IL1R2: variants seen among roughly 807,000 people sequenced by gnomAD.
IL1R2 encodes interleukin 1 receptor type 2, also known as interleukin-1 receptor type 2.
Under a neutral mutation model 39.5 loss-of-function variants are expected in IL1R2, and 46 were observed. That is an observed-to-expected ratio of 1.16 (90% CI 0.92 to 1.49). The LOEUF is 1.49. IL1R2 is among the 40% of genes most tolerant of loss of function. The pLI is 0.00. For synonymous variants in IL1R2, 207 were observed against 189.6 expected (o/e 1.09, Z -0.75); for missense variants, 537 against 502.0 (o/e 1.07, Z -0.67).
chr2:102,020,700 G>A (rs1056436371), intron 5 of IL1R2, among the ~76,000 whole-genome samples: 3 of 152,204 alleles, frequency 2.0e-5, no homozygotes, highest in Non-Finnish European at 4.4e-5. Context: ...GTTCATATCA[G>A]CTCCTTGCTT....
At chr2:102,024,155 C>A (rs907039858) in intron 6 of IL1R2, among the ~76,000 whole-genome samples, 12 of 152,108 alleles carry the variant, frequency 7.9e-5, no homozygotes, top group Admixed American at 1.3e-4. Context: ...ACATTAGAGC[C>A]AAGACCAGCC....
At chr2:102,004,006 T>C (rs1321955528) in intron 1 of IL1R2, among the ~76,000 whole-genome samples, 2 of 138,686 alleles carry the variant, frequency 1.4e-5, no homozygotes, top group Non-Finnish European at 3.0e-5. Flanking sequence ...TCTATGTCTA[T>C]GTCTATGTCT....
At position 102,028,321 on chromosome 2, in the gene IL1R2, A is replaced by G; in HGVS notation, c.1126A>G (p.Arg376Gly). 1 of 1,611,858 alleles carries G rather than the reference A, an allele frequency of 6.2e-7. No individual in the cohort carries two copies. Among genetic ancestry groups the G allele is most frequent in the East Asian group, 2.2e-5 (1 of 44,860 alleles). Residue 376 changes from arginine to glycine, a missense_variant, in exon 9 of 9, where the codon AGA becomes GGA. By Grantham distance (125) the Arg-to-Gly change is moderately radical (BLOSUM62 -2). Transcript: ENST00000332549. Reference sequence around the variant, plus strand: ...ATGGATGCACAGACGGTGCAAACACAGAACTGGAAAAGCAGATGGTCTGAC... The same window carrying G: ...ATGGATGCACAGACGGTGCAAACACGGAACTGGAAAAGCAGATGGTCTGAC... The part of the protein sequence containing the change: ...GIWMHRRCKH[R>G]TGKADGLTVL...
At chr2:101,995,239 A>G (rs979370971) in intron 1 of IL1R2, among the ~76,000 whole-genome samples, 7 of 152,236 alleles carry the variant, frequency 4.6e-5, no homozygotes, top group African/African-American at 1.7e-4. Flanking sequence ...TGAGCTGTTT[A>G]AAAGAGGATC....
chr2:102,010,580 A>G (rs1676567389), intron 3 of IL1R2, among the ~76,000 whole-genome samples: 1 of 151,814 alleles, frequency 6.6e-6, no homozygotes, highest in East Asian at 1.9e-4. Flanking sequence ...TGTCTAAAAA[A>G]AAAAAAAAAA....
chr2:102,028,431 C>A lies in IL1R2; in HGVS notation c.*39C>A, dbSNP rs141252384. 12 of 1,503,520 alleles carry A rather than the reference C, an allele frequency of 8.0e-6. No homozygotes were observed. Among genetic ancestry groups the A allele is most frequent in the Middle Eastern group, 1.8e-4 (1 of 5,714 alleles). 93.1% of individuals were successfully genotyped at this position (1,503,520 alleles called of 1,614,324 possible). Reference sequence around the variant, plus strand: ...AAATAATTCAAACACAAACTCCGTACGTCTTCTCTTATGGAAGTGGCTGTG... The same window carrying A: ...AAATAATTCAAACACAAACTCCGTAAGTCTTCTCTTATGGAAGTGGCTGTG... On this transcript the variant is annotated 3_prime_UTR_variant, in exon 9 of 9. Coordinates refer to ENST00000332549, the MANE Select transcript of IL1R2 (RefSeq NM_004633.4).
chr2:102,019,866 A>G (rs1677254956), intron 5 of IL1R2, 54 bp downstream of exon 5: 2 of 1,479,758 alleles, frequency 1.4e-6, no homozygotes, highest in Non-Finnish European at 1.9e-6. Context: ...ACAAGCATGC[A>G]GAGAACAAAT....
chr2:102,027,747 C>T (rs1435624893), intron 8 of IL1R2, among the ~76,000 whole-genome samples: 1 of 152,180 alleles, frequency 6.6e-6, no homozygotes, highest in Admixed American at 6.5e-5. Context: ...CACAGAGACG[C>T]CAAGGAGCAG....
chr2:102,021,305 C>CTTTTTTTTTTTTTTTTTT (rs546019141), intron 5 of IL1R2, among the ~76,000 whole-genome samples: 7 of 122,838 alleles, frequency 5.7e-5, no homozygotes, highest in Non-Finnish European at 8.5e-5. Context: ...CTTTTCTTTT[C>CTTTTTTTTTTTTTTTTTT]TTTTTTTTTT....
intron 3 of IL1R2, among the ~76,000 whole-genome samples, chr2:102,014,770 G>T (rs1035477612): frequency 6.6e-6 from 1 of 151,770 alleles, no homozygotes; most frequent in Non-Finnish European, 1.5e-5. Context: ...TAGGTAGCCA[G>T]AAATTTAGCT....
intron 1 of IL1R2, among the ~76,000 whole-genome samples, chr2:101,997,164 A>G (rs1250921670): frequency 1.3e-5 from 2 of 152,088 alleles, no homozygotes; most frequent in African/African-American, 4.8e-5. Flanking sequence ...CCTGGTCATG[A>G]GGTGTCCTGT....
At position 102,009,554 on chromosome 2, in the gene IL1R2, T is replaced by C; in HGVS notation, c.68-8T>C. The C allele has an allele frequency of 6.2e-7, 1 of 1,613,058 alleles. No homozygotes were observed. The highest frequency in any genetic ancestry group is 8.5e-7 in the Non-Finnish European group (1 of 1,179,390). ...CCAAAGCCTGACCATGGGCTCTCTG[T>C]CCTTCAGGGGCTGCCAGAAGCTGCC... On this transcript the variant is annotated splice_polypyrimidine_tract_variant and splice_region_variant and intron_variant, in intron 2 of 8. Transcript: ENST00000332549.
rs990034677 is a variant in IL1R2 at position 102,019,712 on chromosome 2, T to C, written c.588T>C (p.Asp196=). The change falls in exon 5 of 9, where the codon GAT becomes GAC. Residue 196 remains aspartate, a synonymous_variant. Coordinates refer to ENST00000332549, the MANE Select transcript of IL1R2 (RefSeq NM_004633.4). The stretch of plus-strand genomic sequence containing the variant: ...GGACCACTCACTTACTCGTACACGA[T>C]GTGGCCCTGGAAGATGCTGGCTATT... ...VRGTTHLLVH[D]VALEDAGYYR... is the part of the protein sequence containing the mutation. The C allele has an allele frequency of 1.2e-5, 19 of 1,613,874 alleles. No homozygotes were observed. Among genetic ancestry groups the C allele is most frequent in the South Asian group, 2.2e-5 (2 of 91,074 alleles).
chr2:102,020,059 C>T (rs188413933), intron 5 of IL1R2, among the ~76,000 whole-genome samples: 2 of 152,300 alleles, frequency 1.3e-5, no homozygotes, highest in East Asian at 3.9e-4. Context: ...AAGATGAAGG[C>T]TAAAACACAC....
At chr2:102,019,872 C>A (rs1006748241) in intron 5 of IL1R2, 60 bp downstream of exon 5, 11 of 1,416,034 alleles carry the variant, frequency 7.8e-6, no homozygotes, top group Non-Finnish European at 1.1e-5. Flanking sequence ...ATGCAGAGAA[C>A]AAATGACGGT....
chr2:102,009,702 C>A lies in IL1R2; in HGVS notation c.208C>A (p.His70Asn). 1 of 1,614,200 alleles carries A rather than the reference C, an allele frequency of 6.2e-7. No homozygotes were observed. The highest frequency in any genetic ancestry group is 8.5e-7 in the Non-Finnish European group (1 of 1,180,034). The change falls in exon 3 of 9, where the codon CAT (histidine) becomes AAT (asparagine). Residue 70 changes from histidine to asparagine, a missense_variant. His to Asn is a moderately conservative substitution (Grantham distance 68). Transcript: ENST00000332549. ...SVSPRINLTW[H>N]KNDSARTVPG... Reference sequence around the variant, plus strand: ...CAGCCCCCGCATCAACCTGACATGGCATAAAAATGACTCTGCTAGGACGGT... The same window carrying A: ...CAGCCCCCGCATCAACCTGACATGGAATAAAAATGACTCTGCTAGGACGGT...
intron 1 of IL1R2, among the ~76,000 whole-genome samples, chr2:101,999,692 T>G (rs2310170): frequency 0.44 from 66,747 of 152,036 alleles, 14,794 homozygotes; most frequent in East Asian, 0.47. Flanking sequence ...TGACTATGTG[T>G]TTGCCTAAGA....
At position 102,002,287 on chromosome 2, in the gene IL1R2, T is replaced by C. The variant is rs549025985; in HGVS notation, c.-61-6228T>C. Among the ~76,000 whole-genome samples the C allele has an allele frequency of 5.3e-5, 8 of 151,276 alleles. No individual in the cohort carries two copies. The South Asian group carries it at 1.7e-3, about 32-fold the overall frequency. On this transcript the variant is annotated intron_variant, in intron 1 of 8. Coordinates refer to ENST00000332549, the MANE Select transcript of IL1R2 (RefSeq NM_004633.4). Reference sequence around the variant, plus strand: ...AAATATGTCTATGTCTATGTCTGTGTCTGTGTGTCTGTGTCTGTGTCTGTG... The same window carrying C: ...AAATATGTCTATGTCTATGTCTGTGCCTGTGTGTCTGTGTCTGTGTCTGTG...
intron 1 of IL1R2, among the ~76,000 whole-genome samples, chr2:102,006,844 G>A (rs1676296648): frequency 6.6e-6 from 1 of 152,226 alleles, no homozygotes. Flanking sequence ...GTGTCGGATG[G>A]AATGTGAGCA....
Sources: allele counts gnomAD v4.1 joint callset (sites outside exome capture counted in the v4.1 genomes callset), GRCh38; gene constraint gnomAD v4.1.1; transcripts MANE v1.5; gene names NCBI Gene and HGNC (gene_info 2026-07-23, HGNC 2026-07-21).